The following GRAMD4 variants were observed in gnomAD, a reference collection of about 807,000 sequenced individuals.
GRAMD4 encodes GRAM domain containing 4.
GRAMD4 carries 25 observed loss-of-function variants against 83.9 expected under a neutral mutation model. The ratio of observed to expected loss-of-function variants is 0.30; its 90% confidence interval spans 0.22 to 0.42. GRAMD4 has a LOEUF of 0.42. Ranked by LOEUF, GRAMD4 falls within the 10% of genes least tolerant of loss-of-function variation. The probability of loss-of-function intolerance (pLI) is 1.00; values close to 1 mark genes in which losing one functional copy is unlikely to be tolerated. For synonymous variants in GRAMD4, 336 were observed against 320.9 expected (o/e 1.05, Z -0.50); for missense variants, 593 against 788.7 (o/e 0.75, Z 2.97).
chr22:46,618,021 T>G (rs144960550), upstream of GRAMD4, among the ~76,000 whole-genome samples: 311 of 152,252 alleles, frequency 2.0e-3, 2 homozygotes, highest in African/African-American at 7.0e-3. The surrounding 1 kb of genome is among the most constrained non-coding windows in gnomAD (Gnocchi z 5.8). Context: ...GGTGTCCCTT[T>G]CTCTTGAGGC....
intron 1 of GRAMD4, among the ~76,000 whole-genome samples, chr22:46,593,560 G>C (rs1006730862): frequency 2.6e-5 from 4 of 152,110 alleles, no homozygotes; most frequent in Admixed American, 1.3e-4. Flanking sequence ...GTAGCAGGCT[G>C]TTCAGTGCTG....
chr22:46,605,880 A>G (rs1385578658), intron 1 of GRAMD4, among the ~76,000 whole-genome samples: 1 of 151,644 alleles, frequency 6.6e-6, no homozygotes, highest in Non-Finnish European at 1.5e-5. Context: ...GCATCTCTGC[A>G]TGGGCTTATG....
chr22:46,630,751 T>C (rs1257909719), intron 2 of GRAMD4, among the ~76,000 whole-genome samples: 1 of 152,236 alleles, frequency 6.6e-6, no homozygotes, highest in East Asian at 1.9e-4. Flanking sequence ...GCTCTTAGCG[T>C]CCATCACTCC....
rs1451140693 is a variant in GRAMD4 at position 46,677,455 on chromosome 22, TCCCA to T, written c.*206_*209del. ...GCTCACAGGGACGGGGGTGCCCCTCTCCCACAGGGCACGTCAGGTGCCTCTGAGG... is the reference window on the plus strand; with the variant it reads ...GCTCACAGGGACGGGGGTGCCCCTCTCAGGGCACGTCAGGTGCCTCTGAGG... On this transcript the variant is annotated 3_prime_UTR_variant, in exon 19 of 19. Coordinates refer to ENST00000406902, the MANE Select transcript of GRAMD4 (RefSeq NM_015124.5). The T allele has an allele frequency of 1.5e-6, 2 of 1,339,318 alleles. No homozygotes were observed. Among genetic ancestry groups the T allele is most frequent in the Non-Finnish European group, 1.9e-6 (2 of 1,043,718 alleles). 83.0% of individuals were successfully genotyped at this position (1,339,318 alleles called of 1,614,324 possible).
chr22:46,645,901 C>T (rs530978822), intron 3 of GRAMD4, among the ~76,000 whole-genome samples: 6 of 152,362 alleles, frequency 3.9e-5, no homozygotes, highest in South Asian at 2.1e-4. Flanking sequence ...TCACCTGCTG[C>T]GCGCAGGCTC....
intron 11 of GRAMD4, among the ~76,000 whole-genome samples, chr22:46,668,416 C>T (rs1249961203): frequency 2.0e-5 from 3 of 152,102 alleles, no homozygotes; most frequent in East Asian, 1.9e-4. Context: ...GCGGACGGTG[C>T]GCGAGGGTGG....
Position 46,630,464 on chromosome 22 carries a change from C to T in GRAMD4, c.162+3503C>T, listed in dbSNP as rs138599951. Among the ~76,000 whole-genome samples, 23 of 152,332 alleles carry T rather than the reference C, an allele frequency of 1.5e-4. No individual in the cohort carries two copies. The East Asian group carries it at 4.1e-3, about 27-fold the overall frequency. ...GGTCTCGCTGGGCCATGCAGAGGCC[C>T]GAGATTGCCCTTTTCCAGGATCTAC... On this transcript the variant is annotated intron_variant, in intron 2 of 18. Coordinates refer to ENST00000406902, the MANE Select transcript of GRAMD4 (RefSeq NM_015124.5).
At chr22:46,613,299 C>T (rs138501) in intron 1 of GRAMD4, among the ~76,000 whole-genome samples, 121,260 of 152,232 alleles carry the variant, frequency 0.8, 49,013 homozygotes, top group East Asian at 1. Context: ...TTCCGGCTGC[C>T]GCGACCCACT....
chr22:46,626,126 G>A (rs899844362), intron 1 of GRAMD4, among the ~76,000 whole-genome samples: 2 of 152,220 alleles, frequency 1.3e-5, no homozygotes, highest in Admixed American at 1.3e-4. Context: ...CAGTGTGGGC[G>A]GAGTCCTGGG....
At chr22:46,592,331 T>C (rs1316052406) in intron 1 of GRAMD4, among the ~76,000 whole-genome samples, 1 of 151,924 alleles carries the variant, frequency 6.6e-6, no homozygotes, top group Non-Finnish European at 1.5e-5. Context: ...ACAGCAGAGC[T>C]GGGTGCAGGG....
At chr22:46,652,818 G>GT (rs1481828925) in intron 3 of GRAMD4, among the ~76,000 whole-genome samples, 3 of 152,220 alleles carry the variant, frequency 2.0e-5, no homozygotes, top group Non-Finnish European at 4.4e-5. Flanking sequence ...CGGCCCTCCT[G>GT]TTTCTTTTCT....
intron 13 of GRAMD4, among the ~76,000 whole-genome samples, chr22:46,671,923 A>C (rs188637189): frequency 6.6e-6 from 1 of 152,358 alleles, no homozygotes. Flanking sequence ...AAGGCAAAAA[A>C]TGAAACAAAG....
At chr22:46,641,620 C>T (rs931611934) in intron 3 of GRAMD4, among the ~76,000 whole-genome samples, 4 of 152,100 alleles carry the variant, frequency 2.6e-5, no homozygotes, top group South Asian at 4.2e-4. Flanking sequence ...GTGCTGAAGG[C>T]GGCCTAACAT....
intron 17 of GRAMD4, 92 bp from the exon 18 acceptor site, chr22:46,676,502 TGTGTGC>T: frequency 9.4e-7 from 1 of 1,065,920 alleles, no homozygotes; most frequent in Non-Finnish European, 1.4e-6. Context: ...CCCTGCTGCC[TGTGTGC>T]CCAGTGGAGG....
Position 46,620,761 on chromosome 22 carries a change from C to T in GRAMD4, c.-50+196C>T, listed in dbSNP as rs929976061. Among the ~76,000 whole-genome samples the T allele has an allele frequency of 2.0e-5, 3 of 152,210 alleles. No individual in the cohort carries two copies. The highest frequency in any genetic ancestry group is 1.3e-4 in the Admixed American group (2 of 15,282). ...CCAGACCCCACCGGTAAAGCACCTG[C>T]GCAGCCCGGGGCCAGGGGTCCAGTG... On this transcript the variant is annotated intron_variant, in intron 1 of 18. Coordinates refer to ENST00000406902, the MANE Select transcript of GRAMD4 (RefSeq NM_015124.5). The surrounding 1 kb of genome is among the most constrained non-coding windows in gnomAD (Gnocchi z 4.7).
chr22:46,614,756 G>A (rs895727824), intron 1 of GRAMD4, among the ~76,000 whole-genome samples: 98 of 151,986 alleles, frequency 6.4e-4, no homozygotes, highest in African/African-American at 2.2e-3. Context: ...GTGCCTGTGC[G>A]TGTAGGTTCC....
At chr22:46,602,440 G>A (rs897721061) in intron 1 of GRAMD4, among the ~76,000 whole-genome samples, 3 of 152,122 alleles carry the variant, frequency 2.0e-5, no homozygotes, top group South Asian at 2.1e-4. Flanking sequence ...CGCTTTGCGA[G>A]ACCATGTTGT....
intron 6 of GRAMD4, among the ~76,000 whole-genome samples, 181 bp from the exon 7 acceptor site, chr22:46,663,657 C>T (rs967436988): frequency 7.2e-5 from 11 of 152,218 alleles, no homozygotes; most frequent in Non-Finnish European, 1.3e-4. Context: ...GCACTGAGGG[C>T]CATCCCGGCG....
At chr22:46,575,900 T>C (rs564010549), upstream of GRAMD4, 1 of 152,398 alleles carries the variant, frequency 6.6e-6, no homozygotes, top group Non-Finnish European at 1.5e-5. Context: ...TGCCTGCCTC[T>C]AACCCAGGTC....
Sources: gnomAD v4.1 joint callset for allele counts (sites outside exome capture counted in the v4.1 genomes callset) on GRCh38, gnomAD v4.1.1 for gene constraint, Gnocchi (gnomAD v3.1) non-coding constraint, MANE v1.5 for transcripts, NCBI Gene and HGNC (gene_info 2026-07-23, HGNC 2026-07-21) for gene names.